Variants in NOX4 observed in about 807,000 individuals in gnomAD.
NOX4 encodes kidney oxidase-1.
A neutral mutation model predicts 87.6 loss-of-function variants in NOX4; 69 were observed. The observed-to-expected ratio is 0.79, with a 90% CI of 0.65 to 0.96. The LOEUF (loss-of-function observed/expected upper bound fraction) is 0.96, where lower values mean the gene tolerates loss of function less well. NOX4 is among the 40% of genes least tolerant of loss of function. The probability of loss-of-function intolerance (pLI) is 0.00; values close to 1 mark genes in which losing one functional copy is unlikely to be tolerated. For missense variants in NOX4, 680 were observed against 681.5 expected, an observed-to-expected ratio of 1.00 and a Z score of 0.02; for synonymous variants, 275 against 238.2, an observed-to-expected ratio of 1.15 and a Z score of -1.42.
chr11:89,401,844 G>A (rs1263779090), intron 9 of NOX4, among the ~76,000 whole-genome samples: 2 of 152,028 alleles, frequency 1.3e-5, no homozygotes, highest in Non-Finnish European at 2.9e-5. Context: ...TCTAATAAGT[G>A]TTCTGTATTA....
At chr11:89,330,283 A>G (rs1023360126) in intron 17 of NOX4, among the ~76,000 whole-genome samples, 4 of 152,030 alleles carry the variant, frequency 2.6e-5, no homozygotes, top group South Asian at 2.1e-4. Flanking sequence ...CAGGAATTCA[A>G]GGTTGCAGTG....
intron 11 of NOX4, among the ~76,000 whole-genome samples, chr11:89,386,095 G>A (rs1304640746): frequency 6.6e-6 from 1 of 152,050 alleles, no homozygotes; most frequent in African/African-American, 2.4e-5. Flanking sequence ...ACTTAAAAAG[G>A]AATGGACAAT....
chr11:89,433,382 G>A (rs1416100351), intron 6 of NOX4, among the ~76,000 whole-genome samples: 2 of 151,784 alleles, frequency 1.3e-5, no homozygotes, highest in Non-Finnish European at 2.9e-5. Context: ...TGGCAAATAG[G>A]TACTTACTTC....
intron 13 of NOX4, among the ~76,000 whole-genome samples, chr11:89,346,496 A>T (rs545786936): frequency 1.3e-5 from 2 of 151,602 alleles, no homozygotes; most frequent in African/African-American, 4.9e-5. Context: ...CCAAATAAAC[A>T]ACAAAAATCC....
At chr11:89,538,633 T>C in the NOX4 span, among the ~76,000 whole-genome samples, 1 of 152,196 alleles carries the variant, frequency 6.6e-6, no homozygotes, top group Admixed American at 6.5e-5. Context: ...ATGACCTTTC[T>C]ACATCTTCTG....
the NOX4 span, among the ~76,000 whole-genome samples, chr11:89,515,171 T>G: frequency 6.6e-6 from 1 of 152,038 alleles, no homozygotes; most frequent in South Asian, 2.1e-4. Context: ...AAAATTTACT[T>G]CAATAAGACA....
At chr11:89,438,410 TA>T (rs1192270496) in intron 6 of NOX4, among the ~76,000 whole-genome samples, 1 of 111,392 alleles carries the variant, frequency 9.0e-6, no homozygotes, top group African/African-American at 3.7e-5. Flanking sequence ...AAATAATATA[TA>T]ATATATAATT....
chr11:89,440,765 T>C (rs766269992), intron 5 of NOX4, 50 bp from the exon 6 acceptor site: 4 of 1,038,672 alleles, frequency 3.9e-6, no homozygotes, highest in Admixed American at 2.3e-5. Flanking sequence ...GCACTGATGA[T>C]ATATAATTCT....
At chr11:89,567,914 A>G in the NOX4 span, among the ~76,000 whole-genome samples, 3 of 152,196 alleles carry the variant, frequency 2.0e-5, no homozygotes, top group Non-Finnish European at 4.4e-5. Context: ...TCACACTGCC[A>G]TCACACTGTT....
At chr11:89,424,080 T>C (rs192402345) in intron 7 of NOX4, among the ~76,000 whole-genome samples, 1 of 151,490 alleles carries the variant, frequency 6.6e-6, no homozygotes, top group Non-Finnish European at 1.5e-5. Flanking sequence ...CTCAAAAAAA[T>C]ATATATATAA....
intron 9 of NOX4, among the ~76,000 whole-genome samples, chr11:89,400,942 T>C (rs1397096533): frequency 1.3e-5 from 2 of 151,784 alleles, no homozygotes; most frequent in Non-Finnish European, 2.9e-5. Flanking sequence ...TATAATATAA[T>C]AAGAACATAA....
rs551921433 is a variant in NOX4, at chr11:89,437,874, C to T, written c.475+2814G>A. ...GTATTTATACATAACATGTGCACAT[C>T]CTCTCACATACTTTAAATTATCTCT... On this transcript the variant is annotated intron_variant, in intron 6 of 17. Transcript: ENST00000263317. Among the ~76,000 whole-genome samples the T allele has an allele frequency of 9.9e-5, 15 of 152,148 alleles. No homozygotes were observed. In the South Asian group the frequency reaches 1.5e-3, roughly 15 times the overall value.
chr11:89,440,763 G>T (rs1448480292), intron 5 of NOX4, 48 bp from the exon 6 acceptor site: 3 of 1,090,610 alleles, frequency 2.8e-6, no homozygotes, highest in Non-Finnish European at 2.7e-6. Context: ...AAGCACTGAT[G>T]ATATATAATT....
chr11:89,573,006 T>C, the NOX4 span, among the ~76,000 whole-genome samples: 1 of 152,156 alleles, frequency 6.6e-6, no homozygotes, highest in Admixed American at 6.5e-5. Context: ...CCTCTTTTAC[T>C]ATAGTTCACT....
chr11:89,534,819 T>C, the NOX4 span, among the ~76,000 whole-genome samples: 1 of 152,228 alleles, frequency 6.6e-6, no homozygotes, highest in Non-Finnish European at 1.5e-5. Flanking sequence ...TCGTACTGGA[T>C]TCTCATTTCA....
At chr11:89,425,512 G>C (rs747749731) in intron 7 of NOX4, among the ~76,000 whole-genome samples, 1 of 151,616 alleles carries the variant, frequency 6.6e-6, no homozygotes, top group African/African-American at 2.4e-5. Flanking sequence ...TGTGCCATCA[G>C]TAAAGAGAAT....
At chr11:89,561,316 G>A in the NOX4 span, among the ~76,000 whole-genome samples, 6 of 151,592 alleles carry the variant, frequency 4.0e-5, no homozygotes, top group Non-Finnish European at 2.9e-5. Flanking sequence ...CAGATGAAGT[G>A]CAACCCAGCA....
the NOX4 span, among the ~76,000 whole-genome samples, chr11:89,512,792 A>G: frequency 2.0e-5 from 3 of 152,076 alleles, no homozygotes; most frequent in Non-Finnish European, 2.9e-5. Flanking sequence ...ATACACTTCT[A>G]AAACATCCTG....
At chr11:89,346,153 G>A (rs1875564) in intron 13 of NOX4, among the ~76,000 whole-genome samples, 3 of 152,038 alleles carry the variant, frequency 2.0e-5, no homozygotes, top group South Asian at 2.1e-4. Context: ...AGCTGAGAGC[G>A]AAATCAAGAA....
Sources: allele counts gnomAD v4.1 joint callset (sites outside exome capture counted in the v4.1 genomes callset), GRCh38; gene constraint gnomAD v4.1.1; transcripts MANE v1.5; gene names NCBI Gene and HGNC (gene_info 2026-07-23, HGNC 2026-07-21).